The following EXOC6B variants were observed in gnomAD, a reference collection of about 807,000 sequenced individuals.
The protein encoded by EXOC6B is SEC15 homolog B.
EXOC6B carries 54 observed loss-of-function variants against 113.5 expected under a neutral mutation model. That is an observed-to-expected ratio of 0.48 (90% CI 0.38 to 0.60). EXOC6B has a LOEUF of 0.60. Among genes scored for constraint, EXOC6B ranks in the 20% least tolerant of loss-of-function variants. The probability of loss-of-function intolerance (pLI) is 0.00; values close to 1 mark genes in which losing one functional copy is unlikely to be tolerated. For synonymous variants in EXOC6B, 357 were observed against 339.0 expected, an observed-to-expected ratio of 1.05 and a Z score of -0.58; for missense variants, 797 against 977.5, an observed-to-expected ratio of 0.82 and a Z score of 2.46.
At chr2:72,460,228 C>T (rs1244046482) in intron 18 of EXOC6B, among the ~76,000 whole-genome samples, 5 of 151,614 alleles carry the variant, frequency 3.3e-5, no homozygotes, top group Admixed American at 1.3e-4. Flanking sequence ...AAGACTTAAA[C>T]GTTAGACCTA....
intron 6 of EXOC6B, among the ~76,000 whole-genome samples, chr2:72,671,064 A>C (rs1675756228): frequency 6.6e-6 from 1 of 152,054 alleles, no homozygotes; most frequent in Non-Finnish European, 1.5e-5. Context: ...AAACTACCAG[A>C]AAAAAAACAT....
chr2:72,427,992 C>A (rs1252695513), intron 18 of EXOC6B, among the ~76,000 whole-genome samples: 2 of 152,144 alleles, frequency 1.3e-5, no homozygotes, highest in African/African-American at 4.8e-5. Flanking sequence ...GTTGGGATGT[C>A]CTGCCTGCAA....
chr2:72,541,500 C>T (rs1702599707), intron 8 of EXOC6B, among the ~76,000 whole-genome samples: 3 of 152,174 alleles, frequency 2.0e-5, no homozygotes, highest in East Asian at 1.9e-4. Context: ...TATACAAAAG[C>T]CCTTCTCCTC....
At chr2:72,460,364 C>A (rs370184393) in intron 18 of EXOC6B, among the ~76,000 whole-genome samples, 2 of 151,678 alleles carry the variant, frequency 1.3e-5, no homozygotes, top group African/African-American at 2.4e-5. Context: ...AATGGGATCT[C>A]ATTAAACTAA....
Position 72,502,695 on chromosome 2 carries a change from C to T in EXOC6B, c.1168-2723G>A, listed in dbSNP as rs145448258. Among the ~76,000 whole-genome samples the T allele has an allele frequency of 3.9e-3, 601 of 152,288 alleles. 2 individuals carry two copies. The highest frequency in any genetic ancestry group is 6.4e-3 in the Non-Finnish European group (432 of 68,028). Reference sequence around the variant, plus strand: ...CTCCCGCCATTTACCCTGTTTGACACTCAATGTATCCTTCCAACTTTAAGA... The same window carrying T: ...CTCCCGCCATTTACCCTGTTTGACATTCAATGTATCCTTCCAACTTTAAGA... On this transcript the variant is annotated intron_variant, in intron 11 of 21. Coordinates refer to ENST00000272427, the MANE Select transcript of EXOC6B (RefSeq NM_015189.3).
chr2:72,567,810 C>T (rs1392406372), intron 7 of EXOC6B, among the ~76,000 whole-genome samples: 1 of 151,896 alleles, frequency 6.6e-6, no homozygotes, highest in Non-Finnish European at 1.5e-5. Context: ...TATCCATGTG[C>T]CCATACTAAC....
chr2:72,770,587 C>A (rs1407903265), intron 1 of EXOC6B, among the ~76,000 whole-genome samples: 1 of 152,060 alleles, frequency 6.6e-6, no homozygotes, highest in Non-Finnish European at 1.5e-5. Flanking sequence ...GGTTTTCTTG[C>A]CAAATGAATT....
intron 19 of EXOC6B, among the ~76,000 whole-genome samples, chr2:72,353,407 T>C (rs1287985944): frequency 3.6e-5 from 4 of 110,840 alleles, no homozygotes; most frequent in African/African-American, 1.4e-4. Flanking sequence ...AGCCTCGCTC[T>C]GTCGCCCAGG....
chr2:72,237,785 G>A (rs1041169309), intron 20 of EXOC6B, among the ~76,000 whole-genome samples: 1 of 152,164 alleles, frequency 6.6e-6, no homozygotes, highest in Non-Finnish European at 1.5e-5. Flanking sequence ...ATCCTTGGAG[G>A]CTGCTGACTT....
intron 18 of EXOC6B, among the ~76,000 whole-genome samples, chr2:72,459,675 A>G (rs1446387425): frequency 6.6e-6 from 1 of 152,192 alleles, no homozygotes; most frequent in East Asian, 1.9e-4. Context: ...TTCAAGGAGA[A>G]CTACAAACCA....
At chr2:72,330,327 A>G (rs138217039) in intron 20 of EXOC6B, among the ~76,000 whole-genome samples, 1 of 152,162 alleles carries the variant, frequency 6.6e-6, no homozygotes, top group African/African-American at 2.4e-5. Context: ...GTAGCATTTA[A>G]TGAGGAGAAT....
intron 6 of EXOC6B, among the ~76,000 whole-genome samples, chr2:72,622,411 T>G (rs1423381125): frequency 1.3e-5 from 2 of 152,118 alleles, no homozygotes; most frequent in Non-Finnish European, 2.9e-5. Flanking sequence ...AAAGTGAACA[T>G]TCTGTAAAAG....
intron 1 of EXOC6B, among the ~76,000 whole-genome samples, chr2:72,765,118 T>C (rs1682982217): frequency 6.6e-6 from 1 of 151,768 alleles, no homozygotes; most frequent in Non-Finnish European, 1.5e-5. Context: ...TAAGGTCCCT[T>C]CCATTTAGGA....
At chr2:72,733,315 A>G (rs919276902) in intron 2 of EXOC6B, among the ~76,000 whole-genome samples, 197 bp from the exon 3 acceptor site, 1 of 152,196 alleles carries the variant, frequency 6.6e-6, no homozygotes, top group Non-Finnish European at 1.5e-5. Context: ...GACCTTTTGA[A>G]AAGAAAAATT....
chr2:72,787,227 TTCG>T (rs1684425677), intron 1 of EXOC6B, among the ~76,000 whole-genome samples: 1 of 151,972 alleles, frequency 6.6e-6, no homozygotes, highest in Admixed American at 6.6e-5. Flanking sequence ...TTTATTTTTT[TTCG>T]AGACAGAGTC....
chr2:72,284,079 A>G (rs1685283088), intron 20 of EXOC6B, among the ~76,000 whole-genome samples: 1 of 152,302 alleles, frequency 6.6e-6, no homozygotes, highest in South Asian at 2.1e-4. Flanking sequence ...GGAATTATTT[A>G]CAAAATCTTT....
intron 8 of EXOC6B, among the ~76,000 whole-genome samples, chr2:72,549,372 A>T (rs1175710670): frequency 6.6e-6 from 1 of 152,202 alleles, no homozygotes; most frequent in Admixed American, 6.5e-5. Flanking sequence ...GATTTTCAAT[A>T]ATTCTGATGA....
intron 20 of EXOC6B, among the ~76,000 whole-genome samples, chr2:72,204,661 C>T (rs1233723354): frequency 2.0e-5 from 3 of 152,268 alleles, no homozygotes; most frequent in African/African-American, 4.8e-5. Flanking sequence ...ATTCACCTTG[C>T]GCTGAACTTG....
At chr2:72,209,299 T>A (rs774497014) in intron 20 of EXOC6B, among the ~76,000 whole-genome samples, 1 of 151,460 alleles carries the variant, frequency 6.6e-6, no homozygotes, top group Non-Finnish European at 1.5e-5. Flanking sequence ...TACTTAGTTG[T>A]CTCTCCCTTC....
Sources: allele counts gnomAD v4.1 joint callset (sites outside exome capture counted in the v4.1 genomes callset), GRCh38; gene constraint gnomAD v4.1.1; transcripts MANE v1.5; gene names NCBI Gene and HGNC (gene_info 2026-07-23, HGNC 2026-07-21).